The following DIP2C variants were observed in gnomAD, a reference collection of about 807,000 sequenced individuals.
DIP2C encodes the protein disco-interacting protein 2 homolog C.
A neutral mutation model predicts 192.4 loss-of-function variants in DIP2C; 33 were observed. The observed-to-expected ratio is 0.17, with a 90% CI of 0.13 to 0.23. The LOEUF is 0.23. Among genes scored for constraint, DIP2C ranks in the 10% least tolerant of loss-of-function variants. The pLI, the probability that DIP2C is intolerant of heterozygous loss-of-function variation, is 1.00. For missense variants in DIP2C, 1,537 were observed against 2,110.1 expected (o/e 0.73, Z 5.32); for synonymous variants, 979 against 864.1 (o/e 1.13, Z -2.33).
intron 3 of DIP2C, among the ~76,000 whole-genome samples, chr10:449,695 T>C (rs1386602667): frequency 6.9e-6 from 1 of 145,880 alleles, no homozygotes; most frequent in African/African-American, 2.6e-5. Flanking sequence ...GACACGTTGG[T>C]GGGTGCAGCG....
At chr10:574,193 C>T (rs551740787) in intron 1 of DIP2C, among the ~76,000 whole-genome samples, 1 of 152,266 alleles carries the variant, frequency 6.6e-6, no homozygotes, top group East Asian at 1.9e-4. Flanking sequence ...TAGCAATAGG[C>T]TTTTTCTCTT....
At chr10:515,231 C>G (rs1028436268) in intron 1 of DIP2C, among the ~76,000 whole-genome samples, 1 of 152,096 alleles carries the variant, frequency 6.6e-6, no homozygotes. Context: ...CTTTAAAAAT[C>G]TTAATACTGA....
chr10:556,127 A>AC (rs1164300993), intron 1 of DIP2C, among the ~76,000 whole-genome samples: 1 of 24,812 alleles, frequency 4.0e-5, no homozygotes, highest in African/African-American at 2.0e-4. Flanking sequence ...GCAACCACCC[A>AC]CCCCCTTCCA....
intron 1 of DIP2C, among the ~76,000 whole-genome samples, chr10:577,892 A>G (rs1850275502): frequency 1.3e-5 from 2 of 151,642 alleles, no homozygotes; most frequent in Non-Finnish European, 2.9e-5. Context: ...AGCAATTTCT[A>G]TTTCTCCATG....
intron 1 of DIP2C, among the ~76,000 whole-genome samples, chr10:525,452 T>C (rs1296335691): frequency 6.6e-6 from 1 of 152,180 alleles, no homozygotes; most frequent in Non-Finnish European, 1.5e-5. Flanking sequence ...TACTAATTAG[T>C]AAAACAACAG....
chr10:681,962 C>T (rs372227123), intron 1 of DIP2C, among the ~76,000 whole-genome samples: 9 of 152,378 alleles, frequency 5.9e-5, no homozygotes, highest in Middle Eastern at 6.8e-3. Flanking sequence ...AGAGACCAAG[C>T]CTCTGCTCAG....
At chr10:658,001 A>C (rs1856495913) in intron 1 of DIP2C, among the ~76,000 whole-genome samples, 1 of 146,984 alleles carries the variant, frequency 6.8e-6, no homozygotes, top group Non-Finnish European at 1.5e-5. Context: ...CTGCCACTGG[A>C]CCTGACCCTG....
chr10:495,358 A>C (rs1325423606), intron 1 of DIP2C, among the ~76,000 whole-genome samples: 7 of 152,184 alleles, frequency 4.6e-5, no homozygotes, highest in Non-Finnish European at 8.8e-5. Context: ...TTAACAATGC[A>C]TCATCTGCCT....
intron 3 of DIP2C, among the ~76,000 whole-genome samples, chr10:463,470 A>C (rs965639314): frequency 1.3e-5 from 2 of 152,208 alleles, no homozygotes; most frequent in Admixed American, 6.5e-5. Context: ...GGAGAACTAT[A>C]AACCACTGCT....
At chr10:433,036 C>A (rs906126968) in intron 4 of DIP2C, among the ~76,000 whole-genome samples, 1 of 152,080 alleles carries the variant, frequency 6.6e-6, no homozygotes, top group Non-Finnish European at 1.5e-5. Flanking sequence ...TGGACCAAAA[C>A]GTGGTATATC....
At chr10:512,038 G>T (rs1338868076) in intron 1 of DIP2C, among the ~76,000 whole-genome samples, 1 of 152,128 alleles carries the variant, frequency 6.6e-6, no homozygotes, top group East Asian at 1.9e-4. Context: ...CACACGTTAG[G>T]GTCGCCCACA....
intron 1 of DIP2C, among the ~76,000 whole-genome samples, chr10:645,343 AG>A (rs993995146): frequency 4.6e-5 from 7 of 152,262 alleles, no homozygotes; most frequent in Non-Finnish European, 8.8e-5. Flanking sequence ...GTGTGGTGTA[AG>A]GTGATTTAGA....
intron 1 of DIP2C, among the ~76,000 whole-genome samples, chr10:561,959 C>G (rs993592812): frequency 6.6e-6 from 1 of 152,218 alleles, no homozygotes; most frequent in Non-Finnish European, 1.5e-5. Flanking sequence ...CCCTCCTGCA[C>G]CAGCCGGGCC....
chr10:453,421 G>A (rs1969014492), intron 3 of DIP2C, among the ~76,000 whole-genome samples: 1 of 152,232 alleles, frequency 6.6e-6, no homozygotes, highest in African/African-American at 2.4e-5. Context: ...TGGACATACA[G>A]TGTCAAAGAC....
At chr10:527,415 A>G (rs534343911) in intron 1 of DIP2C, among the ~76,000 whole-genome samples, 1 of 152,226 alleles carries the variant, frequency 6.6e-6, no homozygotes, top group Non-Finnish European at 1.5e-5. Context: ...AATTTTTAAT[A>G]TTTGTACTTA....
intron 17 of DIP2C, among the ~76,000 whole-genome samples, chr10:372,113 T>A (rs1424919992): frequency 6.7e-6 from 1 of 149,952 alleles, no homozygotes; most frequent in Non-Finnish European, 1.5e-5. Context: ...TTTCACTCTG[T>A]CACCCAGGCT....
intron 7 of DIP2C, among the ~76,000 whole-genome samples, chr10:414,344 T>G (rs1057064642): frequency 1.3e-5 from 2 of 152,142 alleles, no homozygotes; most frequent in African/African-American, 4.8e-5. Flanking sequence ...TAGGTGGACC[T>G]GCACACAGCT....
chr10:296,089 T>C (rs1457264912), intron 32 of DIP2C, among the ~76,000 whole-genome samples: 1 of 152,232 alleles, frequency 6.6e-6, no homozygotes, highest in African/African-American at 2.4e-5. Context: ...GCTCTGATGG[T>C]AGTTTCTTTT....
chr10:420,129 G>A (rs1453085995), intron 5 of DIP2C, among the ~76,000 whole-genome samples: 1 of 152,236 alleles, frequency 6.6e-6, no homozygotes, highest in Non-Finnish European at 1.5e-5. Flanking sequence ...CGCTGAAAGT[G>A]GGGCTCATCC....
Sources: allele counts gnomAD v4.1 joint callset (sites outside exome capture counted in the v4.1 genomes callset), GRCh38; gene constraint gnomAD v4.1.1; transcripts MANE v1.5; gene names NCBI Gene and HGNC (gene_info 2026-07-23, HGNC 2026-07-21).